DUT: variants seen among roughly 807,000 people sequenced by gnomAD.
The protein encoded by DUT is deoxyuridine 5'-triphosphate nucleotidohydrolase, mitochondrial.
In DUT, 21 loss-of-function variants were observed where a neutral mutation model predicts 28.8. The ratio of observed to expected loss-of-function variants is 0.73; its 90% CI spans 0.52 to 1.05. DUT has a LOEUF of 1.05. Ranked by LOEUF, DUT falls within the 50% of genes least tolerant of loss-of-function variation. DUT has a pLI of 0.00. For missense variants in DUT, 344 were observed against 351.8 expected, an observed-to-expected ratio of 0.98 and a Z score of 0.18; for synonymous variants, 147 against 143.7, an observed-to-expected ratio of 1.02 and a Z score of -0.17.
Position 48,332,390 on chromosome 15 carries a change from G to A in DUT, c.403G>A (p.Gly135Ser). Residue 135 changes from glycine (G) to serine (S), a missense_variant, in exon 2 of 7, where the codon GGC becomes AGC. Transcript: ENST00000331200. ...APTRGSARAA[G>S]YDLYSAYDYT... ...CACCCGGGGCTCCGCGCGCGCCGCG[G>A]GCTACGACCTGTACAGGTGAGCGGG... The A allele has an allele frequency of 6.3e-7, 1 of 1,579,498 alleles. No individual in the cohort carries two copies. The highest frequency in any genetic ancestry group is 1.4e-5 in the African/African-American group (1 of 73,984).
At chr15:48,341,024 T>C (rs2042528701) in intron 4 of DUT, 2 of 310,464 alleles carry the variant, frequency 6.4e-6, no homozygotes, top group Admixed American at 4.7e-5. Flanking sequence ...TGGCCATTGC[T>C]ACTGCCAGCT....
chr15:48,331,398 C>A, upstream of DUT: 1 of 1,498,318 alleles, frequency 6.7e-7, no homozygotes. Context: ...GCCCCTCGTC[C>A]GGCGGCGGCT....
intron 4 of DUT, among the ~76,000 whole-genome samples, chr15:48,339,384 T>C (rs1011977149): frequency 2.0e-5 from 3 of 152,196 alleles, no homozygotes; most frequent in African/African-American, 7.2e-5. Context: ...TGTCTTTCTC[T>C]AACTCATTCA....
Position 48,331,679 on chromosome 15 carries a change from G to T in DUT, c.164G>T (p.Arg55Leu). Residue 55 changes from arginine to leucine, a missense_variant, in exon 1 of 7, where the codon CGG becomes CTG. Transcript: ENST00000331200. ...LGRAAQHGIPRPLSSAGRLSQ... is the reference protein window; with the variant it reads ...LGRAAQHGIPLPLSSAGRLSQ... ...CGCGCCGCGCAGCACGGGATTCCCCGGCCGCTGTCCAGCGCTGGCCGCCTG... is the reference window on the plus strand; with the variant it reads ...CGCGCCGCGCAGCACGGGATTCCCCTGCCGCTGTCCAGCGCTGGCCGCCTG... 1 of 1,532,966 alleles carries T rather than the reference G, an allele frequency of 6.5e-7. No homozygotes were observed. 95.0% of individuals were successfully genotyped at this position (1,532,966 alleles called of 1,614,324 possible). A position where few individuals can be genotyped will look rare whatever the true frequency, so the allele number is the denominator to read the frequency against.
rs1310796741 is a variant in DUT, at chr15:48,343,017, CTA to C, written c.*941_*942del. 2.0e-5 allele frequency: 3 copies of C among 152,164 alleles called. No individual in the cohort carries two copies. Among genetic ancestry groups the C allele is most frequent in the East Asian group, 3.8e-4 (2 of 5,198 alleles). The allele number at this position is 152,164 out of a possible 1,614,324, so 9.4% of individuals were successfully genotyped here. ...TTGCTAGTGTGCTTTCCTTTCTTTACTATGTTTCTCAGATTCCTTTGTATCAG... is the reference window on the plus strand; with the variant it reads ...TTGCTAGTGTGCTTTCCTTTCTTTACTGTTTCTCAGATTCCTTTGTATCAG... On this transcript the variant is annotated 3_prime_UTR_variant, in exon 7 of 7. Coordinates refer to ENST00000331200, the MANE Select transcript of DUT (RefSeq NM_001025248.2).
intron 2 of DUT, 40 bp downstream of exon 2, chr15:48,332,446 G>A: frequency 2.0e-6 from 3 of 1,476,302 alleles, no homozygotes; most frequent in Non-Finnish European, 2.7e-6. Context: ...GGGAAGGGCC[G>A]GCCGTCCGCT....
intron 2 of DUT, 68 bp downstream of exon 2, chr15:48,332,474 T>C (rs2141157158): frequency 7.4e-7 from 1 of 1,348,788 alleles, no homozygotes; most frequent in South Asian, 1.4e-5. Context: ...CTAGAAACAG[T>C]CACCGGAGAG....
chr15:48,331,458 G>A lies in DUT; in HGVS notation c.-58G>A, dbSNP rs1321860907. The A allele has an allele frequency of 3.8e-6, 6 of 1,598,714 alleles. No individual in the cohort carries two copies. In the African/African-American group the frequency reaches 5.4e-5, roughly 14 times the overall value. Reference sequence around the variant, plus strand: ...CCAGGACGGGCGCGTCTTCAGGGTGGAAGCCTGGCGCACGTCCGGAGGTGC... The same window carrying A: ...CCAGGACGGGCGCGTCTTCAGGGTGAAAGCCTGGCGCACGTCCGGAGGTGC... On this transcript the variant is annotated 5_prime_UTR_variant, in exon 1 of 7. Coordinates refer to ENST00000331200, the MANE Select transcript of DUT (RefSeq NM_001025248.2).
At chr15:48,335,985 G>A in intron 3 of DUT, 61 bp from the exon 4 acceptor site, 1 of 1,328,626 alleles carries the variant, frequency 7.5e-7, no homozygotes, top group Non-Finnish European at 1.1e-6. Context: ...AATTGCATCA[G>A]TTATCTCTGA....
rs34176493 is a variant in DUT, at chr15:48,342,122, T to TA, written c.*59dup. The TA allele has an allele frequency of 0.079, 84,738 of 1,079,114 alleles. 21 individuals carry two copies. The highest frequency in any genetic ancestry group is 0.084 in the Non-Finnish European group (66,722 of 796,764). 66.8% of individuals were successfully genotyped at this position (1,079,114 alleles called of 1,614,324 possible). ...AAAACAAGAAGTCATACCTTTTTCT[T>TA]AAAAAAAAAAAAAAAGTTTTTGCTT... On this transcript the variant is annotated 3_prime_UTR_variant, in exon 7 of 7. Coordinates refer to ENST00000331200, the MANE Select transcript of DUT (RefSeq NM_001025248.2).
chr15:48,341,252 G>A, intron 4 of DUT, 37 bp from the exon 5 acceptor site: 3 of 1,355,702 alleles, frequency 2.2e-6, no homozygotes, highest in Non-Finnish European at 3.1e-6. Context: ...TATTCCAATA[G>A]CAAAAATTGA....
rs1007554623 is a variant in DUT, at chr15:48,342,322, A to T, written c.*244A>T. The T allele has an allele frequency of 1.1e-5, 3 of 265,064 alleles. No individual in the cohort carries two copies. The highest frequency in any genetic ancestry group is 2.1e-5 in the Non-Finnish European group (3 of 144,094). 16.4% of individuals were successfully genotyped at this position (265,064 alleles called of 1,614,324 possible). A position where few individuals can be genotyped will look rare whatever the true frequency, so the allele number is the denominator to read the frequency against. The stretch of plus-strand genomic sequence containing the variant: ...TTGTTTTTCCGCAATTGAAGGTTGT[A>T]TGTAAATCTGCTTTGTGGTGACCTG... On this transcript the variant is annotated 3_prime_UTR_variant, in exon 7 of 7. Transcript: ENST00000331200.
chr15:48,335,458 C>A (rs2042465568), intron 3 of DUT, among the ~76,000 whole-genome samples: 1 of 152,096 alleles, frequency 6.6e-6, no homozygotes, highest in Non-Finnish European at 1.5e-5. Context: ...TTATCTTACT[C>A]TGGTTCATGT....
chr15:48,333,315 G>C (rs1479283819), intron 2 of DUT, among the ~76,000 whole-genome samples: 1 of 152,140 alleles, frequency 6.6e-6, no homozygotes, highest in Non-Finnish European at 1.5e-5. Context: ...ATTGTAGCTG[G>C]AAAAACTACA....
At chr15:48,333,303 C>T (rs2042439593) in intron 2 of DUT, among the ~76,000 whole-genome samples, 1 of 152,058 alleles carries the variant, frequency 6.6e-6, no homozygotes, top group Non-Finnish European at 1.5e-5. Context: ...TAGGTATGGA[C>T]AATTGTAGCT....
Position 48,342,698 on chromosome 15 carries a change from A to G in DUT, c.*620A>G, listed in dbSNP as rs934788913. The G allele has an allele frequency of 1.5e-4, 23 of 152,130 alleles. No homozygotes were observed. Among genetic ancestry groups the G allele is most frequent in the African/African-American group, 5.6e-4 (23 of 41,428 alleles). 9.4% of individuals were successfully genotyped at this position (152,130 alleles called of 1,614,324 possible). A position where few individuals can be genotyped will look rare whatever the true frequency, so the allele number is the denominator to read the frequency against. On this transcript the variant is annotated 3_prime_UTR_variant, in exon 7 of 7. Transcript: ENST00000331200. ...TAATCTTTCTTTTGATAAATCCTCT[A>G]TTGACTGGGTAGAGGTATGTTTGTG...
chr15:48,339,298 TTATATG>T (rs1387903614), intron 4 of DUT, among the ~76,000 whole-genome samples: 5 of 152,174 alleles, frequency 3.3e-5, no homozygotes, highest in Non-Finnish European at 5.9e-5. Flanking sequence ...AGCTTTTACT[TTATATG>T]TATTTGTATT....
At chr15:48,334,077 C>T (rs1312938831) in intron 2 of DUT, among the ~76,000 whole-genome samples, 1 of 152,068 alleles carries the variant, frequency 6.6e-6, no homozygotes, top group African/African-American at 2.4e-5. Context: ...GAAAGTTTGC[C>T]TTTCTGCCCT....
At chr15:48,331,114 C>A, upstream of DUT, 12 of 1,463,054 alleles carry the variant, frequency 8.2e-6, no homozygotes, top group Admixed American at 2.7e-5. Flanking sequence ...GTCACCGGCG[C>A]CGAGATGCGG....
Sources: allele counts gnomAD v4.1 joint callset (sites outside exome capture counted in the v4.1 genomes callset), GRCh38; gene constraint gnomAD v4.1.1; transcripts MANE v1.5; gene names NCBI Gene and HGNC (gene_info 2026-07-23, HGNC 2026-07-21).